VPS53: variants seen among roughly 807,000 people sequenced by gnomAD.
VPS53 encodes VPS53 subunit of GARP complex, also known as vacuolar protein sorting-associated protein 53 homolog.
In VPS53, 70 loss-of-function variants were observed where a neutral mutation model predicts 107.0. That is an observed-to-expected ratio of 0.65 (90% CI 0.54 to 0.80). VPS53 has a LOEUF of 0.80. Ranked by LOEUF, VPS53 falls within the 30% of genes least tolerant of loss-of-function variation. VPS53 has a pLI of 0.00. For missense variants in VPS53, 917 were observed against 1,049.4 expected (o/e 0.87, Z 1.74); for synonymous variants, 409 against 393.3 (o/e 1.04, Z -0.47).
intron 7 of VPS53, among the ~76,000 whole-genome samples, chr17:644,041 T>G (rs543547179): frequency 2.6e-5 from 4 of 152,358 alleles, no homozygotes; most frequent in African/African-American, 9.6e-5. Context: ...CAAGAGAATG[T>G]AAGGCTCTTC....
intron 13 of VPS53, among the ~76,000 whole-genome samples, chr17:578,476 T>A (rs568086288): frequency 6.7e-6 from 1 of 148,378 alleles, no homozygotes; most frequent in Non-Finnish European, 1.5e-5. Context: ...CCAGAGAACC[T>A]CTCTCAGAAC....
intron 4 of VPS53, among the ~76,000 whole-genome samples, chr17:694,820 C>T (rs1051299898): frequency 7.9e-5 from 12 of 152,076 alleles, no homozygotes; most frequent in African/African-American, 2.4e-4. Context: ...CGGGCTGGAG[C>T]GCGGCGGCAC....
rs1010638222 is a variant in VPS53, at chr17:519,262, G to C, written c.2365C>G (p.Leu789Val). 2.2e-4 allele frequency: 337 copies of C among 1,536,166 alleles called. No individual in the cohort carries two copies. Among genetic ancestry groups the C allele is most frequent in the Non-Finnish European group, 2.9e-4 (336 of 1,140,706 alleles). The change falls in exon 22 of 22, where the codon CTC becomes GTC. Residue 789 changes from leucine (L) to valine (V), a missense_variant. By Grantham distance (32) the Leu-to-Val change is conservative. Transcript: ENST00000437048. The surrounding 1 kb of genome is among the most constrained non-coding windows in gnomAD (Gnocchi z 5.0). ...KRSEQSSMLE[L>V]LRQRLPAPPS... ...GGTGCGGGGAGCCGCTGGCGCAGGA[G>C]TTCCAGCATGCTGCTCTGCTCACTC...
chr17:654,132 T>G (rs951059336), intron 6 of VPS53, among the ~76,000 whole-genome samples: 3 of 151,600 alleles, frequency 2.0e-5, no homozygotes, highest in African/African-American at 7.3e-5. Context: ...GAGGCGGAGG[T>G]TTCAGTGACC....
chr17:523,015 A>G (rs1908866564), intron 19 of VPS53: 1 of 152,210 alleles, frequency 6.6e-6, no homozygotes, highest in African/African-American at 2.4e-5. Flanking sequence ...GGGTTAGAGA[A>G]AAGGTGGACT....
intron 7 of VPS53, among the ~76,000 whole-genome samples, chr17:642,886 T>C (rs1183733999): frequency 1.4e-5 from 2 of 142,136 alleles, no homozygotes; most frequent in South Asian, 2.4e-4. Context: ...ACAACACTCA[T>C]ACTTGGAAAT....
chr17:651,599 A>G (rs1401990732), intron 7 of VPS53, among the ~76,000 whole-genome samples: 2 of 152,208 alleles, frequency 1.3e-5, no homozygotes. Context: ...TCTATTTTTT[A>G]AAGTCTATGT....
chr17:666,132 T>C (rs930418957), intron 4 of VPS53, among the ~76,000 whole-genome samples: 1 of 152,158 alleles, frequency 6.6e-6, no homozygotes, highest in Non-Finnish European at 1.5e-5. Flanking sequence ...AGAGATGATA[T>C]GTAAGTCTGT....
intron 1 of VPS53, among the ~76,000 whole-genome samples, chr17:712,396 G>T (rs1443052526): frequency 6.6e-6 from 1 of 151,110 alleles, no homozygotes; most frequent in South Asian, 2.1e-4. Context: ...GGCCAGGCTG[G>T]TCTTGAACTC....
Position 539,723 on chromosome 17 carries a change from G to A in VPS53, c.1867-2547C>T, listed in dbSNP as rs1349015010. On this transcript the variant is annotated intron_variant, in intron 17 of 21. Transcript: ENST00000437048. ...CCCCCATGGGTGACTGAAGGTTTGG[G>A]TCACAACCTGAACTGCCCAGGATAG... Among the ~76,000 whole-genome samples the A allele has an allele frequency of 2.6e-5, 4 of 152,132 alleles. 1 individual carries two copies. The highest frequency in any genetic ancestry group is 2.9e-5 in the Non-Finnish European group (2 of 68,026).
intron 4 of VPS53, among the ~76,000 whole-genome samples, chr17:695,758 C>T (rs1027686447): frequency 6.6e-6 from 1 of 152,058 alleles, no homozygotes; most frequent in Admixed American, 6.6e-5. Flanking sequence ...TGTCATGTTG[C>T]CCAGGCTGGC....
In VPS53 at chr17:597,141, G is replaced by A. The variant is rs144908084; in HGVS notation, c.1218+4654C>T. Among the ~76,000 whole-genome samples, 643 of 152,264 alleles carry A rather than the reference G, an allele frequency of 4.2e-3. 6 individuals carry two copies. Among genetic ancestry groups the A allele is most frequent in the African/African-American group, 0.015 (617 of 41,544 alleles). On this transcript the variant is annotated intron_variant, in intron 12 of 21. Coordinates refer to ENST00000437048, the MANE Select transcript of VPS53 (RefSeq NM_001128159.3). ...CTTGTAAACGAAATACCTTCTTTCA[G>A]GTTCCCTCTCTCTTCTCAGCAGCGA...
intron 15 of VPS53, among the ~76,000 whole-genome samples, chr17:554,676 G>GC (rs1326734115): frequency 6.6e-6 from 1 of 152,182 alleles, no homozygotes; most frequent in Non-Finnish European, 1.5e-5. Flanking sequence ...GCACTGAGTA[G>GC]CTGGGACTAC....
chr17:597,169 C>G (rs1968014925), intron 12 of VPS53, among the ~76,000 whole-genome samples: 1 of 152,152 alleles, frequency 6.6e-6, no homozygotes, highest in Non-Finnish European at 1.5e-5. Flanking sequence ...AGCAGCGAGG[C>G]GTAAACTGCA....
chr17:599,273 G>A (rs1302123109), intron 12 of VPS53, among the ~76,000 whole-genome samples: 11 of 152,258 alleles, frequency 7.2e-5, no homozygotes, highest in Middle Eastern at 3.4e-3. Flanking sequence ...CATTGAGAAC[G>A]GGCCATGATG....
intron 10 of VPS53, 128 bp downstream of exon 10, chr17:627,046 G>T: frequency 8.0e-7 from 1 of 1,250,766 alleles, no homozygotes; most frequent in Non-Finnish European, 1.1e-6. Flanking sequence ...GTACGAGGAT[G>T]ATATTAGTCA....
intron 4 of VPS53, among the ~76,000 whole-genome samples, chr17:689,644 T>C (rs1181096021): frequency 1.3e-5 from 2 of 151,972 alleles, no homozygotes; most frequent in African/African-American, 4.8e-5. Context: ...TGGCTAATTT[T>C]TGTATTTTTA....
chr17:651,155 C>T (rs533107025), intron 7 of VPS53, among the ~76,000 whole-genome samples: 3 of 152,176 alleles, frequency 2.0e-5, no homozygotes, highest in South Asian at 2.1e-4. Context: ...CACACAAATC[C>T]GGAGCGATAG....
At chr17:563,312 T>C (rs1913195338) in intron 13 of VPS53, among the ~76,000 whole-genome samples, 1 of 128,276 alleles carries the variant, frequency 7.8e-6, no homozygotes, top group East Asian at 2.5e-4. Flanking sequence ...TTTTTTTTTT[T>C]GAGACAGAGT....
Sources: allele counts gnomAD v4.1 joint callset (sites outside exome capture counted in the v4.1 genomes callset), GRCh38; gene constraint gnomAD v4.1.1; non-coding constraint Gnocchi (gnomAD v3.1); transcripts MANE v1.5; gene names NCBI Gene and HGNC (gene_info 2026-07-23, HGNC 2026-07-21).